CDH20: variants seen among roughly 807,000 people sequenced by gnomAD.
CDH20 encodes the protein cadherin-20.
Under a neutral mutation model 74.2 loss-of-function variants are expected in CDH20, and 29 were observed. That is an observed-to-expected ratio of 0.39 (90% confidence interval 0.29 to 0.53). The LOEUF (loss-of-function observed/expected upper bound fraction) is 0.53. Among genes scored for constraint, CDH20 ranks in the 20% least tolerant of loss-of-function variants. The pLI is 0.69. For missense variants in CDH20, 988 were observed against 1,048.3 expected, an observed-to-expected ratio of 0.94 and a Z score of 0.79; for synonymous variants, 469 against 405.4, an observed-to-expected ratio of 1.16 and a Z score of -1.88.
intron 1 of CDH20, among the ~76,000 whole-genome samples, chr18:61,366,275 A>G (rs2083281120): frequency 6.6e-6 from 1 of 152,146 alleles, no homozygotes; most frequent in Non-Finnish European, 1.5e-5. Context: ...CAACATCATT[A>G]GTGTGGACAG....
rs558472879 is a variant in CDH20, at chr18:61,339,773, C to T, written c.-153+5946C>T. ...CATGATCTTGGCTCACTGCAAGCTC[C>T]GCCTCCTGGGTTCATGCCATTCTCC... On this transcript the variant is annotated intron_variant, in intron 1 of 11. Transcript: ENST00000262717. Among the ~76,000 whole-genome samples the T allele has an allele frequency of 9.2e-5, 13 of 141,700 alleles. No homozygotes were observed. The East Asian group carries it at 2.1e-3, about 23-fold the overall frequency. The allele number at this position is 141,700 out of a possible 152,430, so 93.0% of individuals were successfully genotyped here.
intron 7 of CDH20, among the ~76,000 whole-genome samples, chr18:61,529,510 T>A (rs374526102): frequency 6.6e-6 from 1 of 152,332 alleles, no homozygotes. Flanking sequence ...AGGCAACTAA[T>A]GTATTATATA....
intron 1 of CDH20, among the ~76,000 whole-genome samples, chr18:61,385,734 C>A (rs1159599534): frequency 2.0e-5 from 3 of 151,872 alleles, no homozygotes; most frequent in Non-Finnish European, 4.4e-5. Context: ...AGTTTGAGAC[C>A]AGCTGGCCAA....
rs1199189142 is a variant in CDH20 at position 61,353,890 on chromosome 18, T to C, written c.-153+20063T>C. Among the ~76,000 whole-genome samples the C allele has an allele frequency of 2.0e-5, 3 of 152,128 alleles. No homozygotes were observed. Among genetic ancestry groups the C allele is most frequent in the Non-Finnish European group, 4.4e-5 (3 of 68,024 alleles). On this transcript the variant is annotated intron_variant, in intron 1 of 11. Transcript: ENST00000262717. This position sits in a 1 kb window ranked among gnomAD's most constrained non-coding sequence, Gnocchi z 4.6. The stretch of plus-strand genomic sequence containing the variant: ...TGAACTCTGTAGTTCATAACCAGCC[T>C]GGGCAACATAGCAAAACCCCATCTC...
intron 1 of CDH20, among the ~76,000 whole-genome samples, chr18:61,398,486 T>C (rs984681801): frequency 7.9e-5 from 12 of 152,300 alleles, no homozygotes; most frequent in South Asian, 4.2e-4. Flanking sequence ...GGATAATCTA[T>C]GGAAGTGTCT....
chr18:61,486,141 A>G (rs1020954899), intron 1 of CDH20, among the ~76,000 whole-genome samples: 1 of 152,240 alleles, frequency 6.6e-6, no homozygotes, highest in African/African-American at 2.4e-5. Context: ...TATAGAGTAC[A>G]GAAGAAATAA....
intron 1 of CDH20, among the ~76,000 whole-genome samples, chr18:61,381,482 C>T (rs1911430473): frequency 6.6e-6 from 1 of 152,188 alleles, no homozygotes; most frequent in South Asian, 2.1e-4. Flanking sequence ...TCAGGGTTAT[C>T]TTGCTCTCCT....
At chr18:61,478,640 G>A (rs574255173) in intron 1 of CDH20, among the ~76,000 whole-genome samples, 2 of 152,284 alleles carry the variant, frequency 1.3e-5, no homozygotes, top group African/African-American at 4.8e-5. Flanking sequence ...TGCATGAGGA[G>A]TAAACAGTGG....
chr18:61,460,339 T>A (rs1909724516), intron 1 of CDH20, among the ~76,000 whole-genome samples: 1 of 152,192 alleles, frequency 6.6e-6, no homozygotes, highest in Admixed American at 6.5e-5. Flanking sequence ...TTGGGTACAT[T>A]TGCATTTAGT....
At chr18:61,393,753 C>T (rs1217127186) in intron 1 of CDH20, among the ~76,000 whole-genome samples, 1 of 152,100 alleles carries the variant, frequency 6.6e-6, no homozygotes, top group Non-Finnish European at 1.5e-5. Context: ...TAATCATTTT[C>T]CTGACCAGTT....
At chr18:61,539,344 G>A (rs1411104453) in intron 9 of CDH20, among the ~76,000 whole-genome samples, 199 bp downstream of exon 9, 1 of 152,190 alleles carries the variant, frequency 6.6e-6, no homozygotes, top group Non-Finnish European at 1.5e-5. Flanking sequence ...GGTGGCTCAT[G>A]CCTGTAATCC....
At chr18:61,519,955 A>C (rs1315283417) in intron 6 of CDH20, among the ~76,000 whole-genome samples, 1 of 146,568 alleles carries the variant, frequency 6.8e-6, no homozygotes, top group Non-Finnish European at 1.5e-5. Flanking sequence ...AAGCAAAAAA[A>C]AAAAAAAAAA....
intron 1 of CDH20, among the ~76,000 whole-genome samples, chr18:61,427,008 AG>A (rs1913092956): frequency 6.6e-6 from 1 of 152,160 alleles, no homozygotes. Flanking sequence ...GGGGATGCAG[AG>A]CAAATCAGGG....
In CDH20 at chr18:61,554,978, A is replaced by T; in HGVS notation, c.*283A>T. ...AAGGCTTGGAGTCCAAGGTGTTCTG[A>T]CAAGGGTGGCTTTTCTCTGCCATTC... On this transcript the variant is annotated 3_prime_UTR_variant, in exon 12 of 12. Transcript: ENST00000262717. 2 of 1,257,168 alleles carry T rather than the reference A, an allele frequency of 1.6e-6. No individual in the cohort carries two copies. The highest frequency in any genetic ancestry group is 2.0e-6 in the Non-Finnish European group (2 of 998,518). The allele number at this position is 1,257,168 out of a possible 1,614,324, so 77.9% of individuals were successfully genotyped here. A position where few individuals can be genotyped will look rare whatever the true frequency, so the allele number is the denominator to read the frequency against.
chr18:61,377,129 C>T (rs994417987), intron 1 of CDH20, among the ~76,000 whole-genome samples: 1 of 152,080 alleles, frequency 6.6e-6, no homozygotes, highest in Non-Finnish European at 1.5e-5. Context: ...ACTGATTCAT[C>T]CCCATTGCCT....
chr18:61,451,555 T>G (rs1054221442), intron 1 of CDH20, among the ~76,000 whole-genome samples: 17 of 152,074 alleles, frequency 1.1e-4, no homozygotes, highest in African/African-American at 3.9e-4. Context: ...GTGCTAGAAA[T>G]CAGGGCCTGA....
intron 1 of CDH20, among the ~76,000 whole-genome samples, chr18:61,473,382 CT>C (rs1317323785): frequency 1.3e-5 from 2 of 152,130 alleles, no homozygotes; most frequent in African/African-American, 2.4e-5. Flanking sequence ...TTTGCAAAAT[CT>C]TTTTTCCTTA....
chr18:61,537,173 C>CT (rs536750601), intron 8 of CDH20, among the ~76,000 whole-genome samples: 15 of 150,846 alleles, frequency 9.9e-5, no homozygotes, highest in Admixed American at 3.3e-4. Flanking sequence ...TACTACATTC[C>CT]TTTTTTTTTC....
intron 9 of CDH20, among the ~76,000 whole-genome samples, chr18:61,544,148 C>A (rs1022078542): frequency 6.6e-6 from 1 of 152,204 alleles, no homozygotes; most frequent in Admixed American, 6.5e-5. Context: ...TCACATGGAA[C>A]GGGAGAGTTC....
Sources: allele counts gnomAD v4.1 joint callset (sites outside exome capture counted in the v4.1 genomes callset), GRCh38; gene constraint gnomAD v4.1.1; non-coding constraint Gnocchi (gnomAD v3.1); transcripts MANE v1.5; gene names NCBI Gene and HGNC (gene_info 2026-07-23, HGNC 2026-07-21).